MGAT4C: variants seen among roughly 807,000 people sequenced by gnomAD.
MGAT4C encodes the protein alpha-1,3-mannosyl-glycoprotein 4-beta-N-acetylglucosaminyltransferase C.
A neutral mutation model predicts 40.1 loss-of-function variants in MGAT4C; 19 were observed. The ratio of observed to expected loss-of-function variants is 0.47; its 90% CI spans 0.33 to 0.70. The LOEUF (loss-of-function observed/expected upper bound fraction) is 0.70. Among genes scored for constraint, MGAT4C ranks in the 30% least tolerant of loss-of-function variants. MGAT4C has a pLI of 0.02. For synonymous variants in MGAT4C, 181 were observed against 187.1 expected, an observed-to-expected ratio of 0.97 and a Z score of 0.27; for missense variants, 491 against 563.2, an observed-to-expected ratio of 0.87 and a Z score of 1.30.
chr12:86,814,743 G>A (rs917846746), intron 1 of MGAT4C, among the ~76,000 whole-genome samples: 9 of 151,892 alleles, frequency 5.9e-5, no homozygotes, highest in Admixed American at 5.9e-4. Context: ...TGAATGGGAT[G>A]AGTGCCCTTA....
intron 2 of MGAT4C, chr12:86,028,045 A>G: frequency 9.7e-7 from 1 of 1,026,934 alleles, no homozygotes; most frequent in South Asian, 1.4e-5. Flanking sequence ...GTATCTAGTC[A>G]AGAAAGTATC....
chr12:86,559,173 ATATTGT>A (rs1388011402), intron 2 of MGAT4C, among the ~76,000 whole-genome samples: 3 of 151,976 alleles, frequency 2.0e-5, no homozygotes, highest in Non-Finnish European at 2.9e-5. Context: ...TACAAAACAA[ATATTGT>A]TAGATCTAAA....
chr12:86,337,244 T>C (rs1043516689), intron 3 of MGAT4C, among the ~76,000 whole-genome samples: 5 of 152,130 alleles, frequency 3.3e-5, no homozygotes, highest in Non-Finnish European at 5.9e-5. Context: ...GCTGGAGTGT[T>C]TTTAAAATGG....
At chr12:86,466,851 A>C (rs1957689312) in intron 2 of MGAT4C, among the ~76,000 whole-genome samples, 1 of 152,170 alleles carries the variant, frequency 6.6e-6, no homozygotes, top group Admixed American at 6.5e-5. Flanking sequence ...CATTTTCTTA[A>C]AAATTACTTT....
At chr12:86,285,558 A>G (rs1953332415) in intron 4 of MGAT4C, among the ~76,000 whole-genome samples, 1 of 152,062 alleles carries the variant, frequency 6.6e-6, no homozygotes, top group Non-Finnish European at 1.5e-5. Flanking sequence ...TTAGAAAACA[A>G]TAATTACTGA....
intron 1 of MGAT4C, among the ~76,000 whole-genome samples, chr12:86,250,227 A>AT (rs535407958): frequency 4.9e-4 from 75 of 152,020 alleles, no homozygotes; most frequent in Non-Finnish European, 7.2e-4. Context: ...TAAACATTAC[A>AT]TTTTTTATCC....
intron 1 of MGAT4C, among the ~76,000 whole-genome samples, chr12:86,141,010 C>T (rs1303160832): frequency 6.6e-6 from 1 of 152,130 alleles, no homozygotes; most frequent in Non-Finnish European, 1.5e-5. Flanking sequence ...GTCATGAAAT[C>T]AGAAAGGTGA....
At chr12:86,325,769 C>T (rs531197070) in intron 4 of MGAT4C, among the ~76,000 whole-genome samples, 6 of 151,968 alleles carry the variant, frequency 3.9e-5, no homozygotes, top group Non-Finnish European at 7.4e-5. Context: ...CTCAGCTACC[C>T]AGGAGGCTGA....
chr12:86,128,729 T>A (rs839179), intron 1 of MGAT4C, among the ~76,000 whole-genome samples: 87,043 of 151,932 alleles, frequency 0.57, 25,223 homozygotes, highest in South Asian at 0.71. Flanking sequence ...TGAGCCAGAG[T>A]TTAGTACTTC....
In MGAT4C at chr12:85,989,494, C is replaced by T; in HGVS notation, c.53G>A (p.Arg18Lys). 1 of 1,605,368 alleles carries T rather than the reference C, an allele frequency of 6.2e-7. No individual in the cohort carries two copies. Among genetic ancestry groups the T allele is most frequent in the Non-Finnish European group, 8.5e-7 (1 of 1,174,596 alleles). The change falls in exon 3 of 5, where the codon AGA becomes AAA. Residue 18 changes from arginine to lysine, a missense_variant. Transcript: ENST00000611864. The stretch of plus-strand genomic sequence containing the variant: ...CACTGTAGAACGTTTTCTCAGGCAT[C>T]TCATTTTATCAAGTATTTCAAAAAT... ...KHIFEILDKM[R>K]CLRKRSTVSF...
chr12:86,051,908 T>A (rs1892935859), intron 1 of MGAT4C, among the ~76,000 whole-genome samples: 1 of 151,714 alleles, frequency 6.6e-6, no homozygotes, highest in Non-Finnish European at 1.5e-5. Flanking sequence ...TGAAAAATAT[T>A]TTGAGTCAAG....
chr12:86,725,045 C>G (rs1288032269), intron 2 of MGAT4C, among the ~76,000 whole-genome samples: 2 of 152,146 alleles, frequency 1.3e-5, no homozygotes, highest in Non-Finnish European at 1.5e-5. Flanking sequence ...ATCAGCATCA[C>G]CTGAATTTAA....
Position 86,717,777 on chromosome 12 carries a change from C to T in MGAT4C, c.-229+9432G>A, listed in dbSNP as rs376978921. ...CTTAATGGAAACCTAATTTTACATA[C>T]TTATATATGTATGGGTAGCATGAAT... On this transcript the variant is annotated intron_variant, in intron 2 of 7. Coordinates refer to the MGAT4C transcript ENST00000548651. Among the ~76,000 whole-genome samples, 15 of 152,218 alleles carry T rather than the reference C, an allele frequency of 9.9e-5. No individual in the cohort carries two copies. In the East Asian group the frequency reaches 1.5e-3, roughly 16 times the overall value.
At chr12:86,705,232 ATC>A (rs748659716) in intron 2 of MGAT4C, among the ~76,000 whole-genome samples, 17 of 140,058 alleles carry the variant, frequency 1.2e-4, no homozygotes, top group African/African-American at 4.1e-4. Context: ...CTATCTATCT[ATC>A]TATCTATCTA....
In MGAT4C at chr12:86,374,732, T is replaced by C. The variant is rs1216914724; in HGVS notation, c.-119-40605A>G. 3.3e-5 allele frequency among the ~76,000 whole-genome samples: 5 copies of C among 152,250 alleles called. No homozygotes were observed. The South Asian group carries it at 1.0e-3, about 32-fold the overall frequency. The stretch of plus-strand genomic sequence containing the variant: ...CTTCAAGAAGAAAATGAAGCATTCC[T>C]TCAGATTTTGTGGAGGAGTTTCTGC... On this transcript the variant is annotated intron_variant, in intron 3 of 7. Coordinates refer to the MGAT4C transcript ENST00000548651.
chr12:86,563,486 A>C (rs561921365), intron 2 of MGAT4C, among the ~76,000 whole-genome samples: 1 of 152,370 alleles, frequency 6.6e-6, no homozygotes, highest in Non-Finnish European at 1.5e-5. Flanking sequence ...AATTATAAAA[A>C]TAGAGAATCA....
At chr12:86,560,820 A>G (rs1334145163) in intron 2 of MGAT4C, among the ~76,000 whole-genome samples, 2 of 152,178 alleles carry the variant, frequency 1.3e-5, no homozygotes, top group African/African-American at 2.4e-5. Flanking sequence ...AAGAAATAAA[A>G]CATAACAAAA....
intron 1 of MGAT4C, among the ~76,000 whole-genome samples, chr12:86,792,459 T>G (rs111945770): frequency 1.3e-5 from 2 of 152,032 alleles, no homozygotes; most frequent in Admixed American, 1.3e-4. Context: ...AAGAGAAAAT[T>G]TCCTGGTATA....
At chr12:86,225,632 T>A (rs760037812) in intron 1 of MGAT4C, among the ~76,000 whole-genome samples, 1 of 152,034 alleles carries the variant, frequency 6.6e-6, no homozygotes, top group Non-Finnish European at 1.5e-5. Flanking sequence ...GATACAAGGG[T>A]GGTTCAACAT....
Sources: gnomAD v4.1 joint callset for allele counts (sites outside exome capture counted in the v4.1 genomes callset) on GRCh38, gnomAD v4.1.1 for gene constraint, MANE v1.5 for transcripts, NCBI Gene and HGNC (gene_info 2026-07-23, HGNC 2026-07-21) for gene names.